Variants in NRG3 observed in about 807,000 individuals in gnomAD.
NRG3 encodes neuregulin 3.
In NRG3, 31 loss-of-function variants were observed where a neutral mutation model predicts 66.9. The observed-to-expected ratio is 0.46, with a 90% CI of 0.35 to 0.63. NRG3 has a LOEUF of 0.63. NRG3 is among the 20% of genes least tolerant of loss of function. The probability of loss-of-function intolerance (pLI) is 0.00; values close to 1 mark genes in which losing one functional copy is unlikely to be tolerated. For missense variants in NRG3, 910 were observed against 878.9 expected, an observed-to-expected ratio of 1.04 and a Z score of -0.45; for synonymous variants, 393 against 359.4, an observed-to-expected ratio of 1.09 and a Z score of -1.06.
intron 3 of NRG3, among the ~76,000 whole-genome samples, chr10:82,820,484 A>G (rs1244391029): frequency 6.6e-6 from 1 of 152,122 alleles, no homozygotes; most frequent in African/African-American, 2.4e-5. Flanking sequence ...TGTTTATATC[A>G]TCTGCTCCCT....
intron 2 of NRG3, among the ~76,000 whole-genome samples, chr10:82,617,023 G>C (rs1590889224): frequency 1.3e-5 from 2 of 152,130 alleles, no homozygotes; most frequent in Admixed American, 1.3e-4. Context: ...ATACGTATTG[G>C]GGGATTGGAT....
chr10:82,354,965 C>A (rs2083681992), intron 1 of NRG3, among the ~76,000 whole-genome samples: 1 of 152,154 alleles, frequency 6.6e-6, no homozygotes, highest in Non-Finnish European at 1.5e-5. Context: ...CTTACAGGAA[C>A]CTTCATCCAT....
At chr10:82,082,832 G>A (rs1163167825) in intron 1 of NRG3, among the ~76,000 whole-genome samples, 1 of 152,038 alleles carries the variant, frequency 6.6e-6, no homozygotes, top group Admixed American at 6.6e-5. Flanking sequence ...CTGTTCTTTT[G>A]TGCATTTCTC....
intron 2 of NRG3, among the ~76,000 whole-genome samples, chr10:82,600,300 C>T (rs370704483): frequency 1.8e-4 from 27 of 151,874 alleles, no homozygotes; most frequent in African/African-American, 5.6e-4. Flanking sequence ...ATCTTATTGA[C>T]GACACATATT....
chr10:82,458,601 C>G (rs141309900), intron 2 of NRG3, among the ~76,000 whole-genome samples: 1,808 of 152,236 alleles, frequency 0.012, 19 homozygotes, highest in Middle Eastern at 0.078. Flanking sequence ...GGACCAAGAC[C>G]TCGCTCTGTC....
intron 1 of NRG3, among the ~76,000 whole-genome samples, chr10:82,218,699 G>T (rs190408218): frequency 1.5e-3 from 226 of 152,174 alleles, no homozygotes; most frequent in African/African-American, 4.9e-3. Context: ...TTCTGTCTCT[G>T]CTTTTCCTCT....
chr10:82,097,413 T>C, intron 1 of NRG3, among the ~76,000 whole-genome samples: 1 of 88,886 alleles, frequency 1.1e-5, no homozygotes, highest in Non-Finnish European at 2.2e-5. Flanking sequence ...GATACATATA[T>C]ATATATCTGT....
rs556969926 is a variant in NRG3, at chr10:82,649,400, A to G, written c.954-89177A>G. Among the ~76,000 whole-genome samples the G allele has an allele frequency of 9.9e-5, 15 of 151,168 alleles. No individual in the cohort carries two copies. The South Asian group carries it at 2.9e-3, about 30-fold the overall frequency. ...TTTAGGGGCCTATAAGCCTATCACAAGCTTTTGACTGGAACAAACAGTAAA... is the reference window on the plus strand; with the variant it reads ...TTTAGGGGCCTATAAGCCTATCACAGGCTTTTGACTGGAACAAACAGTAAA... On this transcript the variant is annotated intron_variant, in intron 2 of 8. Coordinates refer to ENST00000372141, the MANE Select transcript of NRG3 (RefSeq NM_001010848.4).
intron 1 of NRG3, among the ~76,000 whole-genome samples, chr10:82,351,184 C>G (rs539859715): frequency 1.1e-4 from 16 of 152,222 alleles, no homozygotes; most frequent in African/African-American, 2.9e-4. Context: ...GTGAGCCACT[C>G]GCACCCGGCC....
intron 2 of NRG3, among the ~76,000 whole-genome samples, chr10:82,680,490 T>C (rs2054033543): frequency 6.6e-6 from 1 of 152,228 alleles, no homozygotes; most frequent in Non-Finnish European, 1.5e-5. Flanking sequence ...GGACACATGC[T>C]TCTTCTAAAA....
Position 82,740,057 on chromosome 10 carries a change from T to C in NRG3, c.1027+1407T>C, listed in dbSNP as rs905738457. ...TATCTAGTTTTTCTCTTTTTCTTTC[T>C]CTCTTTTTTCTGTTTTTATCCCTTC... On this transcript the variant is annotated intron_variant, in intron 3 of 8. Coordinates refer to ENST00000372141, the MANE Select transcript of NRG3 (RefSeq NM_001010848.4). 5.9e-5 allele frequency among the ~76,000 whole-genome samples: 9 copies of C among 152,102 alleles called. No individual in the cohort carries two copies. The East Asian group carries it at 1.5e-3, about 26-fold the overall frequency.
intron 2 of NRG3, among the ~76,000 whole-genome samples, chr10:82,555,286 C>T (rs1318824430): frequency 1.3e-5 from 2 of 152,122 alleles, no homozygotes; most frequent in Admixed American, 6.6e-5. Flanking sequence ...ATTCTCAATG[C>T]TATTTAAACC....
intron 1 of NRG3, among the ~76,000 whole-genome samples, chr10:82,095,042 T>A (rs568368515): frequency 1.6e-4 from 25 of 152,264 alleles, no homozygotes; most frequent in African/African-American, 5.5e-4. Flanking sequence ...CAATTTTTTT[T>A]AAATGAAAAA....
chr10:82,918,898 T>G (rs1846136747), intron 4 of NRG3, among the ~76,000 whole-genome samples: 2 of 152,160 alleles, frequency 1.3e-5, no homozygotes, highest in South Asian at 4.2e-4. Context: ...ATGTATTCAT[T>G]GTTTAGTTGG....
intron 4 of NRG3, among the ~76,000 whole-genome samples, chr10:82,884,165 G>GAA (rs11388488): frequency 6.6e-6 from 1 of 151,342 alleles, no homozygotes; most frequent in African/African-American, 2.4e-5. Context: ...CCCTTGGGGG[G>GAA]AAAAAAAAGA....
chr10:81,972,780 A>G (rs952038111), intron 1 of NRG3, among the ~76,000 whole-genome samples: 1 of 152,130 alleles, frequency 6.6e-6, no homozygotes, highest in Non-Finnish European at 1.5e-5. Flanking sequence ...GATTTTTTTC[A>G]AGGAGCTCAA....
chr10:81,975,363 A>G (rs1264983659), intron 1 of NRG3, among the ~76,000 whole-genome samples: 1 of 151,812 alleles, frequency 6.6e-6, no homozygotes, highest in South Asian at 2.1e-4. Flanking sequence ...CTATCTATCT[A>G]TCTATCTATC....
rs1841531570 is a variant in NRG3, at chr10:81,875,443, G to A, written c.103G>A (p.Gly35Ser). ...TAAAAAAAAA[G>S]GGPDGGGEGA... is the part of the protein sequence containing the mutation. Reference sequence around the variant, plus strand: ...GGCGGCTGCGGCGGCGGCAGCGGCGGGCGGGGGCCCGGACGGCGGCGGCGA... The same window carrying A: ...GGCGGCTGCGGCGGCGGCAGCGGCGAGCGGGGGCCCGGACGGCGGCGGCGA... The change falls in exon 1 of 9, where the codon GGC (glycine) becomes AGC (serine). Residue 35 changes from glycine (G) to serine (S), a missense_variant. Physicochemically the swap from Gly to Ser is moderately conservative, Grantham distance 56 (BLOSUM62 0). Coordinates refer to ENST00000372141, the MANE Select transcript of NRG3 (RefSeq NM_001010848.4). This position sits in a 1 kb window ranked among gnomAD's most constrained non-coding sequence, Gnocchi z 5.3. 5 of 1,195,286 alleles carry A rather than the reference G, an allele frequency of 4.2e-6. No individual in the cohort carries two copies. The highest frequency in any genetic ancestry group is 4.1e-5 in the South Asian group (1 of 24,148). The allele number at this position is 1,195,286 out of a possible 1,614,324, so 74.0% of individuals were successfully genotyped here. A position where few individuals can be genotyped will look rare whatever the true frequency, so the allele number is the denominator to read the frequency against.
intron 1 of NRG3, among the ~76,000 whole-genome samples, chr10:81,998,073 C>A (rs1211252334): frequency 6.6e-6 from 1 of 152,126 alleles, no homozygotes; most frequent in Non-Finnish European, 1.5e-5. Flanking sequence ...TGGCTTCCTT[C>A]CCTGAAGAGA....
Sources: gnomAD v4.1 joint callset for allele counts (sites outside exome capture counted in the v4.1 genomes callset) on GRCh38, gnomAD v4.1.1 for gene constraint, Gnocchi (gnomAD v3.1) non-coding constraint, MANE v1.5 for transcripts, NCBI Gene and HGNC (gene_info 2026-07-23, HGNC 2026-07-21) for gene names.